Variants in SYNE2 observed in about 807,000 individuals in gnomAD.
SYNE2 encodes the protein nesprin-2.
A neutral mutation model predicts 856.3 loss-of-function variants in SYNE2; 431 were observed. That is an observed-to-expected ratio of 0.50 (90% CI 0.47 to 0.55). The LOEUF (loss-of-function observed/expected upper bound fraction) is 0.55. Among genes scored for constraint, SYNE2 ranks in the 20% least tolerant of loss-of-function variants. The pLI is 0.00. For synonymous variants in SYNE2, 2,923 were observed against 2,872.3 expected, an observed-to-expected ratio of 1.02 and a Z score of -0.56; for missense variants, 8,129 against 8,023.2, an observed-to-expected ratio of 1.01 and a Z score of -0.50.
At chr14:63,998,864 G>T in intron 26 of SYNE2, 50 bp from the exon 27 acceptor site, 2 of 1,607,272 alleles carry the variant, frequency 1.2e-6, no homozygotes, top group East Asian at 4.5e-5. Context: ...CGCTTGGCCT[G>T]TGTTATTTTA....
chr14:64,001,977 G>A lies in SYNE2; in HGVS notation c.3682G>A (p.Glu1228Lys). 1 of 1,614,140 alleles carries A rather than the reference G, an allele frequency of 6.2e-7. No homozygotes were observed. Among genetic ancestry groups the A allele is most frequent in the Non-Finnish European group, 8.5e-7 (1 of 1,180,010 alleles). The change falls in exon 29 of 116, where the codon GAG (glutamate) becomes AAG (lysine). Residue 1228 changes from glutamate to lysine, a missense_variant. Coordinates refer to ENST00000555002, the MANE Select transcript of SYNE2 (RefSeq NM_182914.3). ...AGCACTGCGGCTTGTGTTACCTGTAGAGAAGGCATCACTTCTTCTCTGTGG... is the reference window on the plus strand; with the variant it reads ...AGCACTGCGGCTTGTGTTACCTGTAAAGAAGGCATCACTTCTTCTCTGTGG... ...ETALRLVLPV[E>K]KASLLLCGSD...
At chr14:64,207,307 G>A (rs2098610106) in intron 100 of SYNE2, among the ~76,000 whole-genome samples, 1 of 152,286 alleles carries the variant, frequency 6.6e-6, no homozygotes, top group Non-Finnish European at 1.5e-5. Context: ...GGGCGTGGTG[G>A]CTCACCCCTG....
intron 82 of SYNE2, among the ~76,000 whole-genome samples, 154 bp downstream of exon 82, chr14:64,142,242 G>A (rs1238280850): frequency 6.6e-6 from 1 of 152,146 alleles, no homozygotes; most frequent in Non-Finnish European, 1.5e-5. Flanking sequence ...AGAGATGTTA[G>A]TAGACTTGCT....
intron 63 of SYNE2, among the ~76,000 whole-genome samples, chr14:64,101,161 A>G (rs933909024): frequency 6.6e-6 from 1 of 152,106 alleles, no homozygotes; most frequent in Non-Finnish European, 1.5e-5. Context: ...TCCTTTGGAT[A>G]TGTACTCAGT....
chr14:63,950,048 TG>T (rs1269151838), intron 7 of SYNE2, 42 bp downstream of exon 7: 4 of 1,605,656 alleles, frequency 2.5e-6, no homozygotes, highest in African/African-American at 1.3e-5. Flanking sequence ...ACAGGGCAGC[TG>T]TATCAACCAA....
chr14:64,176,995 G>A (rs957149935), intron 95 of SYNE2, among the ~76,000 whole-genome samples: 8 of 151,892 alleles, frequency 5.3e-5, no homozygotes, highest in South Asian at 2.1e-4. Context: ...ACGGAGTTTC[G>A]CCATGTTGGC....
chr14:63,922,872 G>C (rs186360427), intron 2 of SYNE2, among the ~76,000 whole-genome samples: 15 of 152,264 alleles, frequency 9.9e-5, no homozygotes, highest in Admixed American at 9.8e-4. Context: ...TGAGTAATTT[G>C]CTGGCATTCC....
chr14:63,850,347 CA>C (rs1890369740), upstream of SYNE2, among the ~76,000 whole-genome samples: 1 of 151,370 alleles, frequency 6.6e-6, no homozygotes, highest in East Asian at 1.9e-4. Flanking sequence ...CTCAGCCGCC[CA>C]AAGTGCTGGG....
At chr14:64,099,668 CT>C (rs1391693121) in intron 63 of SYNE2, 1 of 152,126 alleles carries the variant, frequency 6.6e-6, no homozygotes, top group Non-Finnish European at 1.5e-5. Flanking sequence ...GTATTTCCTT[CT>C]GAGCTGATGT....
At chr14:64,033,789 A>G (rs888322785) in intron 45 of SYNE2, among the ~76,000 whole-genome samples, 6 of 152,360 alleles carry the variant, frequency 3.9e-5, no homozygotes, top group Admixed American at 3.9e-4. Flanking sequence ...AGGGTTATTG[A>G]TAGTTTATGA....
At position 64,122,404 on chromosome 14, in the gene SYNE2, C is replaced by G; in HGVS notation, c.13399C>G (p.Leu4467Val). The part of the protein sequence containing the change: ...HELSSKIKLP[L>V]PQLVEPQVST... ...ACTCTCATCAAAAATAAAGCTCCCA[C>G]TCCCTCAGCTTGTGGAGCCTCAGGT... Residue 4467 changes from leucine to valine, a missense_variant, in exon 70 of 116, where the codon CTC becomes GTC. Around this residue, in one of 3 missense-constraint regions of SYNE2, gnomAD observed 5,410 missense variants for 5,284.8 expected, o/e 1.02. Transcript: ENST00000555002. The G allele has an allele frequency of 6.2e-7, 1 of 1,614,222 alleles. No individual in the cohort carries two copies. Among genetic ancestry groups the G allele is most frequent in the Non-Finnish European group, 8.5e-7 (1 of 1,180,044 alleles).
chr14:63,884,255 T>G (rs143319582), intron 1 of SYNE2, among the ~76,000 whole-genome samples: 1 of 152,300 alleles, frequency 6.6e-6, no homozygotes, highest in Non-Finnish European at 1.5e-5. Flanking sequence ...TTGGAGCAGT[T>G]TCACTGGCAT....
chr14:64,187,569 T>C (rs1448467096), intron 97 of SYNE2, among the ~76,000 whole-genome samples: 1 of 152,200 alleles, frequency 6.6e-6, no homozygotes, highest in Non-Finnish European at 1.5e-5. Flanking sequence ...CACTTGTTTT[T>C]CTAGGATAGT....
chr14:63,941,259 A>G (rs2153416807), intron 3 of SYNE2, among the ~76,000 whole-genome samples: 1 of 152,330 alleles, frequency 6.6e-6, no homozygotes, highest in South Asian at 2.1e-4. Flanking sequence ...TAACCTAGAT[A>G]CACAATGAAT....
intron 1 of SYNE2, among the ~76,000 whole-genome samples, chr14:63,840,399 TTTCCTTCCTTCC>T (rs747899857): frequency 0.011 from 1,303 of 115,460 alleles, 19 homozygotes; most frequent in Admixed American, 0.018. Context: ...CTTTCTTTCC[TTTCCTTCCTTCC>T]TTCCTTCCTT....
chr14:64,000,765 AATCCTGT>A (rs1332871906), intron 28 of SYNE2, 46 bp downstream of exon 28: 1 of 1,542,914 alleles, frequency 6.5e-7, no homozygotes, highest in Admixed American at 1.7e-5. Flanking sequence ...AAACTCACTA[AATCCTGT>A]AATGCCATTT....
chr14:63,955,537 T>TA (rs1410060220), intron 8 of SYNE2, among the ~76,000 whole-genome samples: 2 of 152,134 alleles, frequency 1.3e-5, no homozygotes, highest in Non-Finnish European at 2.9e-5. Flanking sequence ...CCAAAGCTAT[T>TA]AAAAAAACAT....
At chr14:63,858,177 ACAG>A (rs1407676081) in intron 1 of SYNE2, among the ~76,000 whole-genome samples, 2 of 146,300 alleles carry the variant, frequency 1.4e-5, no homozygotes, top group African/African-American at 5.1e-5. Flanking sequence ...GTGCAGTGAC[ACAG>A]TCTCAGCTCA....
intron 1 of SYNE2, among the ~76,000 whole-genome samples, chr14:63,767,100 A>AT (rs1279904996): frequency 1.3e-5 from 2 of 148,460 alleles, no homozygotes; most frequent in Admixed American, 6.8e-5. Context: ...ACAATCTTTT[A>AT]TTTTTTTTAT....
Sources: allele counts gnomAD v4.1 joint callset (sites outside exome capture counted in the v4.1 genomes callset), GRCh38; gene constraint gnomAD v4.1.1; regional missense constraint gnomAD v4.1.1; transcripts MANE v1.5; gene names NCBI Gene and HGNC (gene_info 2026-07-23, HGNC 2026-07-21).